Variants in PRKD1 observed in about 807,000 individuals in gnomAD.
The protein encoded by PRKD1 is serine/threonine-protein kinase D1.
Under a neutral mutation model 95.9 loss-of-function variants are expected in PRKD1, and 63 were observed. The observed-to-expected ratio is 0.66, with a 90% CI of 0.54 to 0.81. The LOEUF (loss-of-function observed/expected upper bound fraction) is 0.81, where lower values mean the gene tolerates loss of function less well. PRKD1 is among the 30% of genes least tolerant of loss of function. The pLI, the probability that PRKD1 is intolerant of heterozygous loss-of-function variation, is 0.00. For missense variants in PRKD1, 1,048 were observed against 1,165.3 expected, an observed-to-expected ratio of 0.90 and a Z score of 1.47; for synonymous variants, 425 against 423.1, an observed-to-expected ratio of 1.00 and a Z score of -0.05.
intron 1 of PRKD1, among the ~76,000 whole-genome samples, chr14:29,799,841 C>T (rs1889954875): frequency 1.3e-5 from 2 of 152,218 alleles, no homozygotes; most frequent in South Asian, 2.1e-4. Context: ...ACATTCCCAG[C>T]TTACACTGCC....
At position 29,660,702 on chromosome 14, in the gene PRKD1, A is replaced by G. The variant is rs184605860; in HGVS notation, c.696+2997T>C. ...CAATTGGCTTTGACTTTTCCCAAAT[A>G]CCACAAGAACACATGTAAATAAAAT... On this transcript the variant is annotated intron_variant, in intron 4 of 17. Coordinates refer to ENST00000331968, the MANE Select transcript of PRKD1 (RefSeq NM_002742.3). Among the ~76,000 whole-genome samples the G allele has an allele frequency of 1.7e-3, 256 of 152,280 alleles. 2 individuals carry two copies. The highest frequency in any genetic ancestry group is 5.8e-3 in the African/African-American group (243 of 41,572).
At chr14:29,897,299 C>T (rs1894168677) in intron 1 of PRKD1, among the ~76,000 whole-genome samples, 1 of 152,036 alleles carries the variant, frequency 6.6e-6, no homozygotes, top group Non-Finnish European at 1.5e-5. Flanking sequence ...CTACTGTATA[C>T]TATTTCCTTA....
At chr14:29,798,519 G>A (rs984189816) in intron 1 of PRKD1, among the ~76,000 whole-genome samples, 12 of 152,134 alleles carry the variant, frequency 7.9e-5, no homozygotes, top group Non-Finnish European at 1.5e-5. Flanking sequence ...AAAGTCTTCT[G>A]ACTACCTAAT....
intron 1 of PRKD1, among the ~76,000 whole-genome samples, 163 bp from the exon 2 acceptor site, chr14:29,725,837 T>C (rs568454576): frequency 1.3e-5 from 2 of 152,240 alleles, no homozygotes; most frequent in South Asian, 4.1e-4. Flanking sequence ...GAGTTGATAT[T>C]GGGAAGACTC....
chr14:29,798,526 T>TA (rs1889905201), intron 1 of PRKD1, among the ~76,000 whole-genome samples: 1 of 152,202 alleles, frequency 6.6e-6, no homozygotes, highest in African/African-American at 2.4e-5. Flanking sequence ...TCTGACTACC[T>TA]AATATAATTC....
intron 1 of PRKD1, among the ~76,000 whole-genome samples, chr14:29,751,861 C>G (rs1299854920): frequency 6.6e-6 from 1 of 152,200 alleles, no homozygotes; most frequent in Non-Finnish European, 1.5e-5. Flanking sequence ...GTTTCTCTTG[C>G]TGCTCTTAAA....
intron 1 of PRKD1, among the ~76,000 whole-genome samples, chr14:29,867,989 A>G (rs965539222): frequency 6.6e-6 from 1 of 152,240 alleles, no homozygotes; most frequent in African/African-American, 2.4e-5. Context: ...TCTCAAAATT[A>G]AAAGTCAGCA....
At chr14:29,816,255 T>C (rs558012874) in intron 1 of PRKD1, among the ~76,000 whole-genome samples, 1 of 152,250 alleles carries the variant, frequency 6.6e-6, no homozygotes, top group South Asian at 2.1e-4. Context: ...AACAGCTTAG[T>C]TGTGTCAATA....
chr14:29,884,955 T>C (rs758493546), intron 1 of PRKD1, among the ~76,000 whole-genome samples: 27 of 152,024 alleles, frequency 1.8e-4, no homozygotes, highest in African/African-American at 5.3e-4. Context: ...ACCCCGTCTC[T>C]ACTAAAAATA....
chr14:29,846,972 C>G (rs999041632), intron 1 of PRKD1, among the ~76,000 whole-genome samples: 1 of 152,128 alleles, frequency 6.6e-6, no homozygotes, highest in African/African-American at 2.4e-5. Context: ...ACAGTTCAGG[C>G]TACAAATAGA....
At chr14:29,707,491 A>G (rs1340628206) in intron 2 of PRKD1, among the ~76,000 whole-genome samples, 1 of 152,226 alleles carries the variant, frequency 6.6e-6, no homozygotes, top group African/African-American at 2.4e-5. Context: ...TATAGCATAT[A>G]GCAATAAAGT....
chr14:29,644,883 C>T (rs1490809652), intron 4 of PRKD1, among the ~76,000 whole-genome samples: 1 of 151,244 alleles, frequency 6.6e-6, no homozygotes, highest in African/African-American at 2.4e-5. Context: ...ATAAACTATA[C>T]ATTTTATACA....
rs1414339391 is a variant in PRKD1 at position 29,845,764 on chromosome 14, A to G, written c.264+81485T>C. ...CATAGAATACTATAGAATAACCAGC[A>G]AAAACCTCTATCTGGTTGAAGAAAC... On this transcript the variant is annotated intron_variant, in intron 1 of 17. Coordinates refer to ENST00000331968, the MANE Select transcript of PRKD1 (RefSeq NM_002742.3). Among the ~76,000 whole-genome samples the G allele has an allele frequency of 2.0e-5, 3 of 152,210 alleles. No homozygotes were observed. The East Asian group carries it at 5.8e-4, about 29-fold the overall frequency.
intron 2 of PRKD1, among the ~76,000 whole-genome samples, chr14:29,715,577 A>G (rs1260748172): frequency 6.6e-6 from 1 of 152,136 alleles, no homozygotes; most frequent in Non-Finnish European, 1.5e-5. Flanking sequence ...AAAAACCCAA[A>G]CATTGTTATT....
At chr14:29,651,777 CTTG>C (rs1881520204) in intron 4 of PRKD1, among the ~76,000 whole-genome samples, 1 of 149,936 alleles carries the variant, frequency 6.7e-6, no homozygotes. Flanking sequence ...GAGTTTTGTT[CTTG>C]TTGTGCAGTC....
intron 2 of PRKD1, among the ~76,000 whole-genome samples, chr14:29,666,463 A>C (rs1278480253): frequency 6.6e-6 from 1 of 151,856 alleles, no homozygotes; most frequent in African/African-American, 2.4e-5. Context: ...AAAAACAGCC[A>C]AAAAAATAGC....
At chr14:29,718,402 C>CT (rs986644957) in intron 2 of PRKD1, among the ~76,000 whole-genome samples, 1 of 99,202 alleles carries the variant, frequency 1.0e-5, no homozygotes, top group Non-Finnish European at 1.8e-5. Flanking sequence ...CTCCTGAGCC[C>CT]TCCCAACCAT....
At chr14:29,741,804 A>G (rs1397512164) in intron 1 of PRKD1, among the ~76,000 whole-genome samples, 1 of 152,100 alleles carries the variant, frequency 6.6e-6, no homozygotes, top group Non-Finnish European at 1.5e-5. Context: ...CATTATATCT[A>G]TATATCTTGT....
At chr14:29,618,899 A>G (rs1401825168) in intron 13 of PRKD1, among the ~76,000 whole-genome samples, 4 of 152,158 alleles carry the variant, frequency 2.6e-5, no homozygotes, top group African/African-American at 9.7e-5. Context: ...ATTTGATCTG[A>G]GGACCTAGCA....
Sources: gnomAD v4.1 joint callset for allele counts (sites outside exome capture counted in the v4.1 genomes callset) on GRCh38, gnomAD v4.1.1 for gene constraint, MANE v1.5 for transcripts, NCBI Gene and HGNC (gene_info 2026-07-23, HGNC 2026-07-21) for gene names.